The following AGBL4 variants were observed in gnomAD, a reference collection of about 807,000 sequenced individuals.
AGBL4 encodes AGBL carboxypeptidase 4, also known as cytosolic carboxypeptidase 6.
A neutral mutation model predicts 66.4 loss-of-function variants in AGBL4; 58 were observed. The ratio of observed to expected loss-of-function variants is 0.87; its 90% CI spans 0.71 to 1.09. AGBL4 has a LOEUF of 1.09. AGBL4 is among the 50% of genes least tolerant of loss of function. The pLI, the probability that AGBL4 is intolerant of heterozygous loss-of-function variation, is 0.00. For synonymous variants in AGBL4, 234 were observed against 222.9 expected, an observed-to-expected ratio of 1.05 and a Z score of -0.44; for missense variants, 579 against 631.0, an observed-to-expected ratio of 0.92 and a Z score of 0.88.
chr1:48,650,715 C>T (rs1645915518), intron 8 of AGBL4, among the ~76,000 whole-genome samples: 1 of 152,314 alleles, frequency 6.6e-6, no homozygotes, highest in Non-Finnish European at 1.5e-5. Flanking sequence ...CTTGGAATGG[C>T]ATTTCCCAAA....
At chr1:49,567,778 A>G (rs1465314551) in intron 3 of AGBL4, among the ~76,000 whole-genome samples, 1 of 152,172 alleles carries the variant, frequency 6.6e-6, no homozygotes, top group Non-Finnish European at 1.5e-5. Context: ...AGACACAGCA[A>G]AAGAAGAAAA....
chr1:49,689,796 A>G (rs1237575045), intron 3 of AGBL4, among the ~76,000 whole-genome samples: 1 of 152,172 alleles, frequency 6.6e-6, no homozygotes, highest in Non-Finnish European at 1.5e-5. Context: ...CCTTTGGTTA[A>G]GTTAATTCCT....
At chr1:49,236,489 T>C (rs901613505) in intron 4 of AGBL4, among the ~76,000 whole-genome samples, 2 of 152,184 alleles carry the variant, frequency 1.3e-5, no homozygotes, top group African/African-American at 4.8e-5. Flanking sequence ...GGGGACATTT[T>C]TGTGGAGAGA....
At chr1:48,868,757 T>C (rs1648361383) in intron 5 of AGBL4, among the ~76,000 whole-genome samples, 1 of 152,146 alleles carries the variant, frequency 6.6e-6, no homozygotes, top group Non-Finnish European at 1.5e-5. Flanking sequence ...CCCCTAAATG[T>C]CCCCACCAAT....
chr1:49,615,635 G>GA (rs981279176), intron 3 of AGBL4, among the ~76,000 whole-genome samples: 8 of 151,572 alleles, frequency 5.3e-5, no homozygotes, highest in East Asian at 1.9e-4. Flanking sequence ...AATATACTGA[G>GA]AAAAAAAATG....
chr1:49,696,360 G>A lies in AGBL4; in HGVS notation c.282+953C>T, dbSNP rs568490863. Among the ~76,000 whole-genome samples, 5 of 151,544 alleles carry A rather than the reference G, an allele frequency of 3.3e-5. No homozygotes were observed. In the South Asian group the frequency reaches 8.3e-4, roughly 25 times the overall value. Reference sequence around the variant, plus strand: ...TAGGATTCGAAAGTATTATAAAAACGTGCACTATTAAAAAAATGTAGCTGA... The same window carrying A: ...TAGGATTCGAAAGTATTATAAAAACATGCACTATTAAAAAAATGTAGCTGA... On this transcript the variant is annotated intron_variant, in intron 3 of 13. Transcript: ENST00000371839.
chr1:48,699,511 C>T (rs1646768172), intron 6 of AGBL4, among the ~76,000 whole-genome samples: 2 of 152,232 alleles, frequency 1.3e-5, no homozygotes, highest in Admixed American at 6.5e-5. Context: ...TGATGCCTCT[C>T]TCTGGCCATT....
intron 4 of AGBL4, among the ~76,000 whole-genome samples, chr1:49,095,221 G>A (rs1028085015): frequency 6.6e-6 from 1 of 152,140 alleles, no homozygotes; most frequent in African/African-American, 2.4e-5. Flanking sequence ...CATGCTCATG[G>A]GTAGGAAGAA....
chr1:49,617,450 A>T lies in AGBL4; in HGVS notation c.282+79863T>A, dbSNP rs191492739. 1.4e-4 allele frequency among the ~76,000 whole-genome samples: 21 copies of T among 152,292 alleles called. No homozygotes were observed. The East Asian group carries it at 3.1e-3, about 22-fold the overall frequency. On this transcript the variant is annotated intron_variant, in intron 3 of 13. Transcript: ENST00000371839. The stretch of plus-strand genomic sequence containing the variant: ...TTTTACCATCTTACATGTTTTACTT[A>T]ATTATTAATATTTGTATACTGTCTT...
intron 6 of AGBL4, among the ~76,000 whole-genome samples, chr1:48,744,428 T>C (rs149693477): frequency 6.6e-6 from 1 of 152,174 alleles, no homozygotes; most frequent in Admixed American, 6.5e-5. Flanking sequence ...AAAAGGTAAT[T>C]ACTTATATTT....
At chr1:49,717,685 T>C (rs1367814233) in intron 2 of AGBL4, among the ~76,000 whole-genome samples, 1 of 152,090 alleles carries the variant, frequency 6.6e-6, no homozygotes, top group Non-Finnish European at 1.5e-5. Context: ...CTAGTAAGAA[T>C]GTACGTTCTT....
At chr1:49,457,910 T>C (rs1646426122) in intron 3 of AGBL4, among the ~76,000 whole-genome samples, 2 of 151,852 alleles carry the variant, frequency 1.3e-5, no homozygotes, top group Admixed American at 6.6e-5. Flanking sequence ...TTCTGTACCA[T>C]TGATCTGTGT....
intron 2 of AGBL4, among the ~76,000 whole-genome samples, chr1:49,706,080 A>G (rs1040116424): frequency 1.3e-5 from 2 of 152,100 alleles, no homozygotes; most frequent in South Asian, 4.1e-4. Flanking sequence ...ATTGCAGAGG[A>G]GTCCCTGTTT....
intron 11 of AGBL4, among the ~76,000 whole-genome samples, chr1:48,541,429 C>T (rs1265471393): frequency 6.6e-6 from 1 of 152,154 alleles, no homozygotes; most frequent in Non-Finnish European, 1.5e-5. Flanking sequence ...ACCTAAATAC[C>T]CACACACTCA....
At chr1:49,296,305 C>G (rs990640581) in intron 3 of AGBL4, among the ~76,000 whole-genome samples, 8 of 152,126 alleles carry the variant, frequency 5.3e-5, no homozygotes, top group Non-Finnish European at 7.4e-5. Flanking sequence ...AGAGGTGGAA[C>G]TAGGATTCAA....
chr1:49,534,128 A>G (rs1047149372), intron 3 of AGBL4, among the ~76,000 whole-genome samples: 2 of 143,168 alleles, frequency 1.4e-5, no homozygotes, highest in Non-Finnish European at 3.0e-5. Flanking sequence ...AGCTCATTAA[A>G]TCCTCACAAA....
At chr1:49,995,398 T>C (rs1228609854) in intron 1 of AGBL4, 2 of 418,436 alleles carry the variant, frequency 4.8e-6, no homozygotes, top group Non-Finnish European at 9.6e-6. Flanking sequence ...CCTGGCCACC[T>C]GTATGATGCA....
At chr1:49,301,880 T>C (rs565027137) in intron 3 of AGBL4, among the ~76,000 whole-genome samples, 92 of 152,224 alleles carry the variant, frequency 6.0e-4, no homozygotes, top group African/African-American at 1.7e-3. Context: ...CAGTATCCAT[T>C]CCCTATCCCC....
intron 1 of AGBL4, among the ~76,000 whole-genome samples, chr1:49,979,184 G>A (rs957325038): frequency 2.0e-5 from 3 of 152,062 alleles, no homozygotes; most frequent in Non-Finnish European, 2.9e-5. Context: ...CAACCTGGCC[G>A]GGCGCGGTGG....
Sources: allele counts gnomAD v4.1 joint callset (sites outside exome capture counted in the v4.1 genomes callset), GRCh38; gene constraint gnomAD v4.1.1; transcripts MANE v1.5; gene names NCBI Gene and HGNC (gene_info 2026-07-23, HGNC 2026-07-21).